DLGAP2: variants seen among roughly 807,000 people sequenced by gnomAD.
DLGAP2 encodes disks large-associated protein 2.
Under a neutral mutation model 100.3 loss-of-function variants are expected in DLGAP2, and 26 were observed. The ratio of observed to expected loss-of-function variants is 0.26; its 90% CI spans 0.19 to 0.36. The LOEUF (loss-of-function observed/expected upper bound fraction) is 0.36. DLGAP2 is among the 10% of genes least tolerant of loss of function. The probability of loss-of-function intolerance (pLI) is 1.00; values close to 1 mark genes in which losing one functional copy is unlikely to be tolerated. For missense variants in DLGAP2, 1,858 were observed against 1,453.2 expected, an observed-to-expected ratio of 1.28 and a Z score of -4.53; for synonymous variants, 886 against 630.1, an observed-to-expected ratio of 1.41 and a Z score of -6.08.
At chr8:834,405 A>C (rs1193502580) in intron 1 of DLGAP2, among the ~76,000 whole-genome samples, 1 of 152,218 alleles carries the variant, frequency 6.6e-6, no homozygotes, top group Admixed American at 6.5e-5. Flanking sequence ...ATAGGCTCTG[A>C]GCAAATGCAG....
At chr8:905,340 G>A (rs1056719905) in intron 1 of DLGAP2, among the ~76,000 whole-genome samples, 1 of 152,098 alleles carries the variant, frequency 6.6e-6, no homozygotes, top group African/African-American at 2.4e-5. Flanking sequence ...GGGGTCAGGC[G>A]TACTTGGCTC....
rs76229722 is a variant in DLGAP2, at chr8:1,490,273, A to T, written c.107-11093A>T. ...AATACCCAGAACAAGTGTCAGCAAT[A>T]ATTAGAGCTGTGATTGCTCCTGCCA... On this transcript the variant is annotated intron_variant, in intron 3 of 14. Coordinates refer to ENST00000637795, the MANE Select transcript of DLGAP2 (RefSeq NM_001346810.2). Among the ~76,000 whole-genome samples, 1,419 of 152,232 alleles carry T rather than the reference A, an allele frequency of 9.3e-3. 30 individuals are homozygous for T. Among genetic ancestry groups the T allele is most frequent in the African/African-American group, 0.033 (1,372 of 41,530 alleles).
intron 2 of DLGAP2, among the ~76,000 whole-genome samples, chr8:1,100,092 A>G (rs979911433): frequency 6.6e-6 from 1 of 152,280 alleles, no homozygotes; most frequent in Non-Finnish European, 1.5e-5. Flanking sequence ...TGCCTGGGAC[A>G]TGAATCATCC....
At chr8:1,210,806 T>A (rs1478452007) in intron 2 of DLGAP2, among the ~76,000 whole-genome samples, 1 of 147,538 alleles carries the variant, frequency 6.8e-6, no homozygotes, top group African/African-American at 2.5e-5. Context: ...CTGGGCCCCA[T>A]GTGGTCGGTT....
At chr8:841,032 A>T (rs1796974641) in intron 1 of DLGAP2, among the ~76,000 whole-genome samples, 1 of 152,188 alleles carries the variant, frequency 6.6e-6, no homozygotes, top group South Asian at 2.1e-4. Flanking sequence ...ATTCACTAGG[A>T]GTTGGGGAGT....
chr8:1,409,089 C>T (rs1437328077), intron 3 of DLGAP2, among the ~76,000 whole-genome samples: 1 of 151,974 alleles, frequency 6.6e-6, no homozygotes, highest in East Asian at 1.9e-4. Context: ...GCGCCCGGCT[C>T]CCCTTGGACC....
intron 1 of DLGAP2, among the ~76,000 whole-genome samples, chr8:811,827 A>G (rs947414621): frequency 6.6e-6 from 1 of 152,244 alleles, no homozygotes; most frequent in African/African-American, 2.4e-5. Context: ...AGGGGAAGAA[A>G]ATAAACCACG....
Position 1,697,262 on chromosome 8 carries a change from T to C in DLGAP2, c.2912T>C (p.Leu971Pro). 1 of 1,610,238 alleles carries C rather than the reference T, an allele frequency of 6.2e-7. No individual in the cohort carries two copies. Among genetic ancestry groups the C allele is most frequent in the Non-Finnish European group, 8.5e-7 (1 of 1,177,838 alleles). ...MKFDELQRLR[L>P]NDWKMMESPE... is the part of the protein sequence containing the mutation. ...TTCGACGAGCTGCAGCGGCTGCGGC[T>C]CAACGACTGGAAGATGATGGAGTCC... is the stretch of plus-strand genomic sequence containing the variant. The change falls in exon 14 of 15, where the codon CTC (leucine) becomes CCC (proline). Residue 971 changes from leucine (L) to proline (P), a missense_variant. Leu to Pro is a moderately conservative substitution (Grantham distance 98). Coordinates refer to ENST00000637795, the MANE Select transcript of DLGAP2 (RefSeq NM_001346810.2).
intron 6 of DLGAP2, chr8:1,604,475 G>T (rs1320674673): frequency 1.3e-5 from 2 of 151,980 alleles, no homozygotes; most frequent in Non-Finnish European, 2.9e-5. Context: ...ATTTGGATTT[G>T]GGGCTGACCT....
chr8:813,422 T>A (rs12677377), intron 1 of DLGAP2, among the ~76,000 whole-genome samples: 29,534 of 152,134 alleles, frequency 0.19, 3,605 homozygotes, highest in Admixed American at 0.39. Context: ...GAAGGTAGAT[T>A]CTATAATGTC....
At chr8:1,333,040 C>T (rs1801193913) in intron 3 of DLGAP2, among the ~76,000 whole-genome samples, 3 of 152,150 alleles carry the variant, frequency 2.0e-5, no homozygotes, top group African/African-American at 7.2e-5. Context: ...CCTGTGACAC[C>T]GCCCGAGGTG....
At chr8:1,372,165 A>C (rs914340130) in intron 3 of DLGAP2, among the ~76,000 whole-genome samples, 5 of 152,110 alleles carry the variant, frequency 3.3e-5, no homozygotes, top group Middle Eastern at 3.4e-3. Flanking sequence ...GGTGGGGCGC[A>C]GGTCACCGTG....
intron 1 of DLGAP2, among the ~76,000 whole-genome samples, chr8:856,871 T>C (rs1797288913): frequency 6.6e-6 from 1 of 152,186 alleles, no homozygotes; most frequent in Non-Finnish European, 1.5e-5. Flanking sequence ...TATCAACAAA[T>C]TGATCCTAAA....
Position 1,437,473 on chromosome 8 carries a change from G to A in DLGAP2, c.107-63893G>A, listed in dbSNP as rs190007863. On this transcript the variant is annotated intron_variant, in intron 3 of 14. Coordinates refer to ENST00000637795, the MANE Select transcript of DLGAP2 (RefSeq NM_001346810.2). ...CGTAAGACGATGTTTTCGGTGAAGC[G>A]CTATTTTACCAAATTTCTGAGCAGG... is the stretch of plus-strand genomic sequence containing the variant. Among the ~76,000 whole-genome samples the A allele has an allele frequency of 4.8e-4, 73 of 152,236 alleles. 1 individual carries two copies. The highest frequency in any genetic ancestry group is 1.6e-3 in the African/African-American group (68 of 41,534).
At chr8:1,495,802 G>A (rs1039829223) in intron 3 of DLGAP2, among the ~76,000 whole-genome samples, 4 of 152,176 alleles carry the variant, frequency 2.6e-5, no homozygotes, top group Non-Finnish European at 1.5e-5. Context: ...TGTCTGCGAT[G>A]ACGTGCGATT....
chr8:1,000,150 C>G (rs369623450), intron 2 of DLGAP2, among the ~76,000 whole-genome samples: 65 of 71,936 alleles, frequency 9.0e-4, no homozygotes, highest in Non-Finnish European at 1.3e-3. Flanking sequence ...TTCTTTTGCA[C>G]TGGATTTTCT....
At chr8:1,428,823 A>C (rs572626951) in intron 3 of DLGAP2, among the ~76,000 whole-genome samples, 1 of 152,224 alleles carries the variant, frequency 6.6e-6, no homozygotes, top group Admixed American at 6.5e-5. Context: ...AGCCTTAAAC[A>C]AAATCTGGCA....
rs188836210 is a variant in DLGAP2 at position 1,457,160 on chromosome 8, A to G, written c.107-44206A>G. Among the ~76,000 whole-genome samples, 116 of 152,314 alleles carry G rather than the reference A, an allele frequency of 7.6e-4. 1 individual carries two copies. The highest frequency in any genetic ancestry group is 2.7e-3 in the African/African-American group (113 of 41,584). ...TATCCTATATTCAAGCAGATGAAAT[A>G]TGTTGGAGTAGGCCTTTTGTGTATT... On this transcript the variant is annotated intron_variant, in intron 3 of 14. Transcript: ENST00000637795.
chr8:778,360 T>A (rs1033297022), intron 1 of DLGAP2, among the ~76,000 whole-genome samples: 2 of 152,264 alleles, frequency 1.3e-5, no homozygotes, highest in African/African-American at 4.8e-5. Context: ...AAAGTCATTC[T>A]CCGTCCAGCT....
Sources: gnomAD v4.1 joint callset for allele counts (sites outside exome capture counted in the v4.1 genomes callset) on GRCh38, gnomAD v4.1.1 for gene constraint, MANE v1.5 for transcripts, NCBI Gene and HGNC (gene_info 2026-07-23, HGNC 2026-07-21) for gene names.